Variants in TRPM3 observed in about 807,000 individuals in gnomAD.
TRPM3 encodes the protein transient receptor potential cation channel subfamily M member 3, also known as long transient receptor potential channel 3.
Under a neutral mutation model 181.2 loss-of-function variants are expected in TRPM3, and 77 were observed. That is an observed-to-expected ratio of 0.42 (90% CI 0.35 to 0.51). The LOEUF is 0.51. TRPM3 is among the 20% of genes least tolerant of loss of function. The pLI is 0.01. For missense variants in TRPM3, 1,759 were observed against 2,196.7 expected (o/e 0.80, Z 3.98); for synonymous variants, 745 against 796.4 (o/e 0.94, Z 1.09).
chr9:70,639,495 C>T (rs1367394264), intron 10 of TRPM3, among the ~76,000 whole-genome samples: 1 of 152,144 alleles, frequency 6.6e-6, no homozygotes, highest in African/African-American at 2.4e-5. Context: ...GGTTTTTCCC[C>T]TTGCAATTAT....
intron 1 of TRPM3, among the ~76,000 whole-genome samples, chr9:70,867,203 C>T (rs1440105544): frequency 6.6e-6 from 1 of 152,014 alleles, no homozygotes; most frequent in African/African-American, 2.4e-5. Context: ...GAAGGTAGGA[C>T]ATTAGGAAGA....
intron 1 of TRPM3, among the ~76,000 whole-genome samples, chr9:71,227,220 CATGGAA>C (rs1317122661): frequency 6.7e-6 from 1 of 149,650 alleles, no homozygotes; most frequent in African/African-American, 2.5e-5. Flanking sequence ...CATATAAACA[CATGGAA>C]ATTAAACAGT....
In TRPM3 at chr9:71,442,926, A is replaced by G. The variant is rs2094153436; in HGVS notation, c.183+3727T>C. On this transcript the variant is annotated intron_variant, in intron 1 of 24. Transcript: ENST00000357533. ...AAGAAATATGAAATCCAAATCTTAT[A>G]GAATGGAGACAAAGAAGTCTTAAAT... Among the ~76,000 whole-genome samples the G allele has an allele frequency of 2.6e-5, 4 of 152,240 alleles. No individual in the cohort carries two copies. The South Asian group carries it at 8.3e-4, about 31-fold the overall frequency.
At chr9:70,888,050 C>T (rs181626370) in intron 1 of TRPM3, among the ~76,000 whole-genome samples, 6 of 152,288 alleles carry the variant, frequency 3.9e-5, no homozygotes, top group South Asian at 4.1e-4. Context: ...CTATTTCCCA[C>T]GGATATCTTC....
At chr9:71,044,551 C>T (rs2059203961) in intron 1 of TRPM3, among the ~76,000 whole-genome samples, 1 of 152,216 alleles carries the variant, frequency 6.6e-6, no homozygotes, top group African/African-American at 2.4e-5. Flanking sequence ...TTTATTGTAT[C>T]ATTATGAAGA....
chr9:71,000,959 C>A (rs1415919653), intron 1 of TRPM3, among the ~76,000 whole-genome samples: 1 of 152,158 alleles, frequency 6.6e-6, no homozygotes, highest in Non-Finnish European at 1.5e-5. Context: ...TACATAACAA[C>A]CAAAACACCT....
intron 1 of TRPM3, among the ~76,000 whole-genome samples, chr9:71,064,138 C>G (rs1259978529): frequency 6.6e-6 from 1 of 152,110 alleles, no homozygotes. Flanking sequence ...AACCTTCATC[C>G]TAATTGTCAT....
intron 6 of TRPM3, among the ~76,000 whole-genome samples, chr9:70,806,083 A>AT (rs1457258752): frequency 6.6e-6 from 1 of 152,088 alleles, no homozygotes; most frequent in Non-Finnish European, 1.5e-5. Context: ...CCAGTACCCC[A>AT]TGTGAACCCA....
chr9:70,658,280 C>T (rs951765200), intron 9 of TRPM3, among the ~76,000 whole-genome samples: 8 of 152,004 alleles, frequency 5.3e-5, no homozygotes, highest in African/African-American at 1.9e-4. Flanking sequence ...TTTACAATGA[C>T]CTGTGATATC....
At position 71,135,941 on chromosome 9, in the gene TRPM3, G is replaced by A. The variant is rs543090827; in HGVS notation, c.184-271430C>T. Reference sequence around the variant, plus strand: ...AGGTATAGGATTTGATGCCACACTTGCAGCATAACCATGAATTTAAGAGTT... The same window carrying A: ...AGGTATAGGATTTGATGCCACACTTACAGCATAACCATGAATTTAAGAGTT... On this transcript the variant is annotated intron_variant, in intron 1 of 24. Transcript: ENST00000357533. 2.0e-5 allele frequency among the ~76,000 whole-genome samples: 3 copies of A among 152,286 alleles called. No homozygotes were observed. In the South Asian group the frequency reaches 6.2e-4, roughly 32 times the overall value.
At chr9:70,561,061 C>T (rs2048937574) in intron 22 of TRPM3, among the ~76,000 whole-genome samples, 1 of 152,182 alleles carries the variant, frequency 6.6e-6, no homozygotes, top group African/African-American at 2.4e-5. Flanking sequence ...AATGCCCCTT[C>T]CTCTCCTGTC....
chr9:71,325,453 T>A (rs1175308550), intron 1 of TRPM3, among the ~76,000 whole-genome samples: 1 of 152,128 alleles, frequency 6.6e-6, no homozygotes, highest in Non-Finnish European at 1.5e-5. Context: ...GTTCCCCTAT[T>A]TCACAGGTGA....
chr9:71,416,926 A>G (rs2093644948), intron 1 of TRPM3, among the ~76,000 whole-genome samples: 1 of 151,954 alleles, frequency 6.6e-6, no homozygotes, highest in East Asian at 1.9e-4. Flanking sequence ...GAATCATACA[A>G]TATGTACTAT....
chr9:70,793,552 C>CAT (rs2086179677), intron 6 of TRPM3: 1 of 464,540 alleles, frequency 2.2e-6, no homozygotes, highest in Admixed American at 2.4e-5. Flanking sequence ...TATATACATA[C>CAT]ATATATATAC....
At chr9:71,047,726 G>A (rs2059600734) in intron 1 of TRPM3, among the ~76,000 whole-genome samples, 1 of 151,746 alleles carries the variant, frequency 6.6e-6, no homozygotes, top group Non-Finnish European at 1.5e-5. Flanking sequence ...ATGTTCCATA[G>A]TAGAAACTAC....
intron 1 of TRPM3, among the ~76,000 whole-genome samples, chr9:71,326,821 T>TC (rs1301823036): frequency 6.6e-6 from 1 of 152,048 alleles, no homozygotes; most frequent in Non-Finnish European, 1.5e-5. Flanking sequence ...TCTCACAATC[T>TC]CCTCTAACAC....
intron 25 of TRPM3, among the ~76,000 whole-genome samples, chr9:70,538,531 C>T (rs906072707): frequency 9.2e-5 from 14 of 152,232 alleles, no homozygotes; most frequent in East Asian, 5.8e-4. Flanking sequence ...CAGACTCAAG[C>T]GATCCTCCTG....
At chr9:71,278,749 T>C (rs2084425151) in intron 1 of TRPM3, among the ~76,000 whole-genome samples, 1 of 152,086 alleles carries the variant, frequency 6.6e-6, no homozygotes. Context: ...TTGACAGATT[T>C]GATCAGAAAT....
intron 6 of TRPM3, among the ~76,000 whole-genome samples, chr9:70,786,690 A>G (rs2083719403): frequency 6.6e-6 from 1 of 152,212 alleles, no homozygotes. Context: ...CGTTGGTGCA[A>G]AAGTAATTGT....
Sources: allele counts gnomAD v4.1 joint callset (sites outside exome capture counted in the v4.1 genomes callset), GRCh38; gene constraint gnomAD v4.1.1; transcripts MANE v1.5; gene names NCBI Gene and HGNC (gene_info 2026-07-23, HGNC 2026-07-21).